Variants in CACNA1G observed in about 807,000 individuals in gnomAD.
CACNA1G encodes the protein calcium voltage-gated channel subunit alpha1 G, also known as voltage-dependent T-type calcium channel subunit alpha-1G.
CACNA1G carries 67 observed loss-of-function variants against 219.4 expected under a neutral mutation model. The observed-to-expected ratio is 0.31, with a 90% CI of 0.25 to 0.37. The LOEUF is 0.37. Among genes scored for constraint, CACNA1G ranks in the 10% least tolerant of loss-of-function variants. The pLI, the probability that CACNA1G is intolerant of heterozygous loss-of-function variation, is 1.00. For synonymous variants in CACNA1G, 1,296 were observed against 1,345.3 expected (o/e 0.96, Z 0.80); for missense variants, 2,380 against 3,231.4 (o/e 0.74, Z 6.39).
chr17:50,568,216 T>A (rs1368417429), intron 1 of CACNA1G, among the ~76,000 whole-genome samples: 1 of 152,100 alleles, frequency 6.6e-6, no homozygotes, highest in African/African-American at 2.4e-5. Context: ...TCTGCCTGCC[T>A]GAGCAGCTAT....
chr17:50,615,564 C>A, intron 27 of CACNA1G, 52 bp downstream of exon 27: 1 of 1,588,792 alleles, frequency 6.3e-7, no homozygotes, highest in Non-Finnish European at 8.6e-7. Flanking sequence ...GCTGAGGAAC[C>A]TCTGGGCAAG....
Position 50,561,456 on chromosome 17 carries a change from G to A in CACNA1G, c.-4G>A. 6.5e-7 allele frequency: 1 copy of A among 1,534,192 alleles called. No homozygotes were observed. The highest frequency in any genetic ancestry group is 8.7e-7 in the Non-Finnish European group (1 of 1,146,550). On this transcript the variant is annotated 5_prime_UTR_variant, in exon 1 of 38. Transcript: ENST00000359106. Reference sequence around the variant, plus strand: ...GATCGCCCGGGGCCCCGGCTGGCCAGAGGATGGACGAGGAGGAGGATGGAG... The same window carrying A: ...GATCGCCCGGGGCCCCGGCTGGCCAAAGGATGGACGAGGAGGAGGATGGAG...
chr17:50,612,151 C>T (rs984312052), intron 26 of CACNA1G, among the ~76,000 whole-genome samples: 1 of 152,262 alleles, frequency 6.6e-6, no homozygotes, highest in African/African-American at 2.4e-5. Context: ...CAGAGGTTCT[C>T]CTACAGCAGT....
chr17:50,562,496 C>G (rs2036139384), intron 1 of CACNA1G, among the ~76,000 whole-genome samples: 1 of 152,094 alleles, frequency 6.6e-6, no homozygotes, highest in Non-Finnish European at 1.5e-5. Flanking sequence ...TACCCGATCT[C>G]CATTCGATGC....
chr17:50,624,217 T>A (rs2053024269), intron 36 of CACNA1G, 142 bp downstream of exon 36: 1 of 1,254,818 alleles, frequency 8.0e-7, no homozygotes. Context: ...CCTGGGGGAA[T>A]GGCTTTGAGT....
chr17:50,583,462 GA>G (rs1209468119), intron 9 of CACNA1G, among the ~76,000 whole-genome samples: 2 of 152,218 alleles, frequency 1.3e-5, no homozygotes, highest in African/African-American at 4.8e-5. Context: ...GGCTGAGCCA[GA>G]AACACCCAAG....
chr17:50,583,685 A>T, intron 9 of CACNA1G, among the ~76,000 whole-genome samples: 1 of 60,276 alleles, frequency 1.7e-5, no homozygotes, highest in Non-Finnish European at 3.6e-5. Context: ...TGGGAGATGG[A>T]GGGGTGGGTA....
chr17:50,606,215 C>A, intron 23 of CACNA1G, 192 bp downstream of exon 23: 1 of 813,712 alleles, frequency 1.2e-6, no homozygotes, highest in Non-Finnish European at 2.2e-6. Flanking sequence ...AAAGTGGGCC[C>A]ATGGGGTCTC....
intron 4 of CACNA1G, among the ~76,000 whole-genome samples, chr17:50,570,695 C>T (rs1004923869): frequency 6.6e-6 from 1 of 152,088 alleles, no homozygotes; most frequent in African/African-American, 2.4e-5. Flanking sequence ...GCCTCGCCTC[C>T]TCTCCCGCCC....
At position 50,626,095 on chromosome 17, in the gene CACNA1G, T is replaced by A. The variant is rs747552851; in HGVS notation, c.6478T>A (p.Ser2160Thr). ...CCTGCTGGCAGAGGTGAGTGGGCCC[T>A]CCCCGCCCCTGGCCCGGGCCTACTC... ...EDLLAEVSGPSPPLARAYSFW... is the reference protein window; with the variant it reads ...EDLLAEVSGPTPPLARAYSFW... Residue 2160 changes from serine to threonine, a missense_variant, in exon 38 of 38, where the codon TCC becomes ACC. Physicochemically the swap from Ser to Thr is moderately conservative, Grantham distance 58. Around this residue, in one of 17 missense-constraint regions of CACNA1G, gnomAD observed 672 missense variants for 670.5 expected, o/e 1.00. Coordinates refer to ENST00000359106, the MANE Select transcript of CACNA1G (RefSeq NM_018896.5). This position sits in a 1 kb window ranked among gnomAD's most constrained non-coding sequence, Gnocchi z 4.3. 6.2e-7 allele frequency: 1 copy of A among 1,612,612 alleles called. No individual in the cohort carries two copies. Among genetic ancestry groups the A allele is most frequent in the Non-Finnish European group, 8.5e-7 (1 of 1,179,508 alleles).
In CACNA1G at chr17:50,571,819, G is replaced by T; in HGVS notation, c.587-59G>T. The T allele has an allele frequency of 6.3e-7, 1 of 1,581,968 alleles. No homozygotes were observed. On this transcript the variant is annotated intron_variant, in intron 4 of 37. Transcript: ENST00000359106. This position sits in a 1 kb window ranked among gnomAD's most constrained non-coding sequence, Gnocchi z 4.3. ...GCCCCTCCGGGAGTGCTGCCGGGCC[G>T]TGGCAGTCAGCCTAGCCCGGCCAGC...
intron 26 of CACNA1G, among the ~76,000 whole-genome samples, chr17:50,613,405 GTCC>G (rs1456867523): frequency 1.3e-5 from 2 of 152,130 alleles, no homozygotes; most frequent in Non-Finnish European, 2.9e-5. Context: ...CCCTGCCTCA[GTCC>G]TCCTGCCCCG....
At chr17:50,585,652 G>A (rs2042852927) in intron 9 of CACNA1G, among the ~76,000 whole-genome samples, 3 of 152,072 alleles carry the variant, frequency 2.0e-5, no homozygotes, top group Non-Finnish European at 2.9e-5. Context: ...GGCACAGGAG[G>A]GGGGATCCAA....
chr17:50,617,975 A>C lies in CACNA1G; in HGVS notation c.5226+46A>C. ...CTCTGGGGAGGGGGAGGTGCTTTCC[A>C]GAGGGAAGGGGCTCAGAGAAGCTGA... On this transcript the variant is annotated intron_variant, in intron 30 of 37. Transcript: ENST00000359106. This position sits in a 1 kb window ranked among gnomAD's most constrained non-coding sequence, Gnocchi z 5.8. 1 of 1,612,714 alleles carries C rather than the reference A, an allele frequency of 6.2e-7. No individual in the cohort carries two copies. The highest frequency in any genetic ancestry group is 8.5e-7 in the Non-Finnish European group (1 of 1,178,874).
intron 27 of CACNA1G, 51 bp from the exon 28 acceptor site, chr17:50,616,224 C>A: frequency 1.7e-6 from 2 of 1,145,736 alleles, no homozygotes; most frequent in Non-Finnish European, 2.6e-6. Flanking sequence ...GGGGGACAAG[C>A]CCCAGCCCTG....
Position 50,626,740 on chromosome 17 carries a change from C to T in CACNA1G, c.7123C>T (p.Leu2375=), listed in dbSNP as rs564390857. The change falls in exon 38 of 38, where the codon CTG becomes TTG. Residue 2375 remains leucine (L), a synonymous_variant. Transcript: ENST00000359106. This position sits in a 1 kb window ranked among gnomAD's most constrained non-coding sequence, Gnocchi z 4.3. ...LSGLSSDPAD[L]DP The stretch of plus-strand genomic sequence containing the variant: ...CGGTTTATCCTCTGACCCAGCAGAC[C>T]TGGACCCCTGAGTCCTGCCCCACTT... 7 of 1,613,194 alleles carry T rather than the reference C, an allele frequency of 4.3e-6. No individual in the cohort carries two copies. In the South Asian group the frequency reaches 7.7e-5, roughly 18 times the overall value.
intron 9 of CACNA1G, among the ~76,000 whole-genome samples, chr17:50,586,281 C>T (rs926109967): frequency 6.6e-6 from 1 of 152,232 alleles, no homozygotes; most frequent in Non-Finnish European, 1.5e-5. Context: ...GAGACTTGTC[C>T]AGAGGGAGCA....
At chr17:50,624,096 C>A in intron 36 of CACNA1G, 21 bp downstream of exon 36, 1 of 1,603,020 alleles carries the variant, frequency 6.2e-7, no homozygotes. Flanking sequence ...TAGAGCAGGC[C>A]AATTTGGCTC....
Position 50,626,519 on chromosome 17 carries a change from G to A in CACNA1G, c.6902G>A (p.Arg2301Gln), listed in dbSNP as rs757138454. Reference sequence around the variant, plus strand: ...CAGCCTCTTGGGGGGCCTGGGAGCCGGCCCAAGAAAAAACTCAGCCCGCCT... The same window carrying A: ...CAGCCTCTTGGGGGGCCTGGGAGCCAGCCCAAGAAAAAACTCAGCCCGCCT... ...GGQPLGGPGS[R>Q]PKKKLSPPSI... is the part of the protein sequence containing the mutation. The change falls in exon 38 of 38, where the codon CGG becomes CAG. Residue 2301 changes from arginine (R) to glutamine (Q), a missense_variant. Arg to Gln is a conservative substitution (Grantham distance 43). Coordinates refer to ENST00000359106, the MANE Select transcript of CACNA1G (RefSeq NM_018896.5). The surrounding 1 kb of genome is among the most constrained non-coding windows in gnomAD (Gnocchi z 4.3). The A allele has an allele frequency of 5.4e-5, 85 of 1,572,104 alleles. No individual in the cohort carries two copies. The highest frequency in any genetic ancestry group is 8.2e-5 in the African/African-American group (6 of 72,986).
Sources: gnomAD v4.1 joint callset for allele counts (sites outside exome capture counted in the v4.1 genomes callset) on GRCh38, gnomAD v4.1.1 for gene constraint, gnomAD v4.1.1 regional missense constraint, Gnocchi (gnomAD v3.1) non-coding constraint, MANE v1.5 for transcripts, NCBI Gene and HGNC (gene_info 2026-07-23, HGNC 2026-07-21) for gene names.